Variants in STMND1 observed in about 807,000 individuals in gnomAD.
The protein encoded by STMND1 is stathmin domain containing 1, also known as stathmin domain-containing protein 1.
A neutral mutation model predicts 23.0 loss-of-function variants in STMND1; 17 were observed. The ratio of observed to expected loss-of-function variants is 0.74; its 90% CI spans 0.51 to 1.11. The LOEUF (loss-of-function observed/expected upper bound fraction) is 1.11, where lower values mean the gene tolerates loss of function less well. STMND1 is among the 50% of genes least tolerant of loss of function. STMND1 has a pLI of 0.00. For missense variants in STMND1, 305 were observed against 329.1 expected (o/e 0.93, Z 0.57); for synonymous variants, 114 against 119.9 (o/e 0.95, Z 0.32).
intron 1 of STMND1, among the ~76,000 whole-genome samples, chr6:17,105,028 A>C (rs926122608): frequency 1.3e-5 from 2 of 152,252 alleles, no homozygotes; most frequent in African/African-American, 4.8e-5. Flanking sequence ...ATTGTGCCTT[A>C]AACATACAGT....
chr6:17,127,020 A>C (rs1168332012), intron 3 of STMND1, among the ~76,000 whole-genome samples: 1 of 152,142 alleles, frequency 6.6e-6, no homozygotes, highest in Non-Finnish European at 1.5e-5. Flanking sequence ...CCCCGGCTGT[A>C]GGCTCTCCTT....
intron 3 of STMND1, among the ~76,000 whole-genome samples, chr6:17,122,655 G>C (rs1487723302): frequency 6.6e-6 from 1 of 151,390 alleles, no homozygotes; most frequent in Non-Finnish European, 1.5e-5. Flanking sequence ...AGTATTTGGG[G>C]GAAAGGAAAG....
chr6:17,124,004 T>C (rs1468589746), intron 3 of STMND1, among the ~76,000 whole-genome samples: 1 of 152,122 alleles, frequency 6.6e-6, no homozygotes, highest in Non-Finnish European at 1.5e-5. Flanking sequence ...TATTAGATAA[T>C]ATTAATCATT....
chr6:17,127,392 A>T (rs914308827), intron 3 of STMND1, among the ~76,000 whole-genome samples: 1 of 152,094 alleles, frequency 6.6e-6, no homozygotes, highest in Non-Finnish European at 1.5e-5. Flanking sequence ...TCTACTAAAA[A>T]TACAAAAATT....
chr6:17,114,819 G>A, intron 1 of STMND1, 143 bp from the exon 2 acceptor site: 1 of 844,818 alleles, frequency 1.2e-6, no homozygotes, highest in Non-Finnish European at 1.7e-6. Context: ...CCAGGGGGTT[G>A]GGGACCCCGA....
chr6:17,112,974 T>A (rs185319372), intron 1 of STMND1, among the ~76,000 whole-genome samples: 3 of 152,330 alleles, frequency 2.0e-5, no homozygotes, highest in East Asian at 3.9e-4. Flanking sequence ...CTAGGGTATA[T>A]GAAGTGGTAT....
intron 1 of STMND1, among the ~76,000 whole-genome samples, chr6:17,111,714 A>G (rs781485059): frequency 2.3e-4 from 35 of 152,216 alleles, no homozygotes; most frequent in Non-Finnish European, 4.6e-4. Flanking sequence ...TATAATTCAC[A>G]TGATTCACCT....
intron 1 of STMND1, among the ~76,000 whole-genome samples, chr6:17,114,313 G>A (rs1761130578): frequency 6.7e-6 from 1 of 149,630 alleles, no homozygotes; most frequent in South Asian, 2.1e-4. Flanking sequence ...GGCACAAGCT[G>A]AAGTGCAGTG....
intron 2 of STMND1, among the ~76,000 whole-genome samples, chr6:17,118,577 A>C (rs545658229): frequency 2.6e-5 from 4 of 152,250 alleles, no homozygotes; most frequent in Non-Finnish European, 5.9e-5. Flanking sequence ...TGCTGTAAAT[A>C]TCAAGCCAAA....
intron 3 of STMND1, among the ~76,000 whole-genome samples, chr6:17,126,110 G>A (rs1761301980): frequency 8.7e-6 from 1 of 114,548 alleles, no homozygotes; most frequent in South Asian, 3.0e-4. Flanking sequence ...AAGAGACAGG[G>A]TCTGACTACA....
chr6:17,102,548 A>G (rs768301377), intron 1 of STMND1, among the ~76,000 whole-genome samples: 7 of 152,186 alleles, frequency 4.6e-5, no homozygotes, highest in Non-Finnish European at 1.0e-4. Flanking sequence ...AAATATATCT[A>G]TCTATATCGA....
intron 4 of STMND1, among the ~76,000 whole-genome samples, chr6:17,130,256 G>C (rs1761369803): frequency 6.6e-6 from 1 of 152,166 alleles, no homozygotes; most frequent in South Asian, 2.1e-4. Flanking sequence ...GAGAGAAGCT[G>C]CTGCAGAGCA....
Position 17,130,911 on chromosome 6 carries a change from A to G in STMND1, c.*30A>G. 6.8e-7 allele frequency: 1 copy of G among 1,479,396 alleles called. No individual in the cohort carries two copies. Among genetic ancestry groups the G allele is most frequent in the Non-Finnish European group, 9.0e-7 (1 of 1,115,004 alleles). 91.6% of individuals were successfully genotyped at this position (1,479,396 alleles called of 1,614,324 possible). On this transcript the variant is annotated 3_prime_UTR_variant, in exon 5 of 5. Coordinates refer to ENST00000536551, the MANE Select transcript of STMND1 (RefSeq NM_001190766.2). ...TTTTTTGTGAATTTCATAAGAAAGC[A>G]TTCATTCTCCCCATTTGTGACATTT... is the stretch of plus-strand genomic sequence containing the variant.
At chr6:17,126,801 C>T (rs1184328098) in intron 3 of STMND1, among the ~76,000 whole-genome samples, 1 of 152,138 alleles carries the variant, frequency 6.6e-6, no homozygotes, top group East Asian at 1.9e-4. Context: ...TCTAAAGGAG[C>T]CAAAATGTCA....
intron 3 of STMND1, chr6:17,128,879 A>G (rs1761345501): frequency 2.9e-6 from 1 of 344,012 alleles, no homozygotes; most frequent in South Asian, 2.9e-5. Context: ...TGCCTGGCTA[A>G]TTTTTTGTAT....
At chr6:17,114,760 C>T (rs1239726939) in intron 1 of STMND1, among the ~76,000 whole-genome samples, 1 of 152,192 alleles carries the variant, frequency 6.6e-6, no homozygotes, top group Non-Finnish European at 1.5e-5. Context: ...TCACCTCCCG[C>T]TCTGCAGCCC....
intron 2 of STMND1, among the ~76,000 whole-genome samples, chr6:17,115,393 AAG>A (rs1554148407): frequency 6.6e-6 from 1 of 151,612 alleles, no homozygotes; most frequent in African/African-American, 2.4e-5. Context: ...AAAAAAAAAA[AAG>A]AACTAAGAGG....
At chr6:17,127,059 G>A (rs951552335) in intron 3 of STMND1, among the ~76,000 whole-genome samples, 5 of 152,146 alleles carry the variant, frequency 3.3e-5, no homozygotes, top group African/African-American at 1.2e-4. Flanking sequence ...GCCCCTTTCC[G>A]CTTTGTCCTG....
intron 1 of STMND1, among the ~76,000 whole-genome samples, chr6:17,111,338 A>G (rs1055661647): frequency 5.3e-5 from 8 of 152,216 alleles, no homozygotes; most frequent in African/African-American, 1.9e-4. Flanking sequence ...TAAAATGTGC[A>G]TATCCTTAGA....
Sources: gnomAD v4.1 joint callset for allele counts (sites outside exome capture counted in the v4.1 genomes callset) on GRCh38, gnomAD v4.1.1 for gene constraint, MANE v1.5 for transcripts, NCBI Gene and HGNC (gene_info 2026-07-23, HGNC 2026-07-21) for gene names.